TECTA: variants seen among roughly 807,000 people sequenced by gnomAD.
TECTA encodes the protein tectorin alpha, also known as alpha-tectorin.
A neutral mutation model predicts 216.8 loss-of-function variants in TECTA; 128 were observed. The ratio of observed to expected loss-of-function variants is 0.59; its 90% CI spans 0.51 to 0.68. TECTA has a LOEUF of 0.68. Among genes scored for constraint, TECTA ranks in the 30% least tolerant of loss-of-function variants. The pLI is 0.00. For missense variants in TECTA, 2,551 were observed against 2,786.2 expected, an observed-to-expected ratio of 0.92 and a Z score of 1.90; for synonymous variants, 1,089 against 1,117.1, an observed-to-expected ratio of 0.97 and a Z score of 0.50.
At position 121,158,243 on chromosome 11, in the gene TECTA, A is replaced by G; in HGVS notation, c.4689+19A>G. 6.2e-7 allele frequency: 1 copy of G among 1,608,908 alleles called. No homozygotes were observed. Among genetic ancestry groups the G allele is most frequent in the Non-Finnish European group, 8.5e-7 (1 of 1,179,966 alleles). On this transcript the variant is annotated intron_variant, in intron 14 of 23. Coordinates refer to ENST00000392793, the MANE Select transcript of TECTA (RefSeq NM_005422.4). Reference sequence around the variant, plus strand: ...GGTCAAGGTAACCAGCCTGGCGGCCATTCTTAAGAAGGGGCCCGGAAACAA... The same window carrying G: ...GGTCAAGGTAACCAGCCTGGCGGCCGTTCTTAAGAAGGGGCCCGGAAACAA...
At chr11:121,188,658 C>A (rs1325533935) in intron 21 of TECTA, among the ~76,000 whole-genome samples, 2 of 152,214 alleles carry the variant, frequency 1.3e-5, no homozygotes, top group Non-Finnish European at 2.9e-5. Context: ...ATACCTGGCC[C>A]CTAGCCTTTA....
rs1463261590 is a variant in TECTA at position 121,190,824 on chromosome 11, T to C, written c.*18T>C. Reference sequence around the variant, plus strand: ...CCTCATAATTAACTCAAGGTTGCTATATAAAGTACTGTAATTTACTTACTT... The same window carrying C: ...CCTCATAATTAACTCAAGGTTGCTACATAAAGTACTGTAATTTACTTACTT... On this transcript the variant is annotated 3_prime_UTR_variant, in exon 24 of 24. Coordinates refer to ENST00000392793, the MANE Select transcript of TECTA (RefSeq NM_005422.4). The C allele has an allele frequency of 3.8e-6, 6 of 1,570,604 alleles. No homozygotes were observed. The highest frequency in any genetic ancestry group is 2.7e-5 in the African/African-American group (2 of 74,034).
chr11:121,134,196 A>G (rs1591447431), intron 10 of TECTA, among the ~76,000 whole-genome samples: 1 of 151,614 alleles, frequency 6.6e-6, no homozygotes, highest in East Asian at 1.9e-4. Flanking sequence ...AATCAGCTTG[A>G]CTCCAAGAAG....
intron 12 of TECTA, among the ~76,000 whole-genome samples, chr11:121,147,557 A>G (rs1157757871): frequency 6.6e-6 from 1 of 152,172 alleles, no homozygotes; most frequent in Non-Finnish European, 1.5e-5. Flanking sequence ...ATATGCCTAT[A>G]AAAAAGCTCG....
At chr11:121,114,027 T>G (rs1365044427) in intron 6 of TECTA, among the ~76,000 whole-genome samples, 2 of 152,160 alleles carry the variant, frequency 1.3e-5, no homozygotes, top group African/African-American at 4.8e-5. Context: ...AAGGCAGCCC[T>G]CCTGTTTAAC....
At chr11:121,107,633 T>A (rs1301555200) in intron 3 of TECTA, among the ~76,000 whole-genome samples, 1 of 152,170 alleles carries the variant, frequency 6.6e-6, no homozygotes, top group Non-Finnish European at 1.5e-5. Flanking sequence ...GAATTGCAGT[T>A]CCCATTACAG....
intron 17 of TECTA, among the ~76,000 whole-genome samples, chr11:121,166,153 C>T (rs1479350159): frequency 6.6e-6 from 1 of 152,168 alleles, no homozygotes; most frequent in Non-Finnish European, 1.5e-5. Flanking sequence ...CTGGGAATCA[C>T]TAGGGTTCTG....
intron 12 of TECTA, among the ~76,000 whole-genome samples, chr11:121,147,852 A>G (rs1946854011): frequency 1.3e-5 from 2 of 152,166 alleles, no homozygotes; most frequent in South Asian, 4.1e-4. Context: ...TCCAACTGCA[A>G]CAAACAGGGA....
Position 121,163,712 on chromosome 11 carries a change from A to C in TECTA, c.5272+1342A>C, listed in dbSNP as rs532102818. On this transcript the variant is annotated intron_variant, in intron 16 of 23. Coordinates refer to ENST00000392793, the MANE Select transcript of TECTA (RefSeq NM_005422.4). ...TACATATATCATTAAAAAATACTCA[A>C]AGCTTCCCTCTATCTAAGGGCATGT... 3.9e-4 allele frequency among the ~76,000 whole-genome samples: 60 copies of C among 152,318 alleles called. 2 individuals carry two copies. The South Asian group carries it at 0.011, about 27-fold the overall frequency.
chr11:121,160,377 C>T lies in TECTA; in HGVS notation c.4932C>T (p.Ser1644=), dbSNP rs201375747. 40 of 1,613,320 alleles carry T rather than the reference C, an allele frequency of 2.5e-5. No individual in the cohort carries two copies. Among genetic ancestry groups the T allele is most frequent in the African/African-American group, 1.7e-4 (13 of 74,994 alleles). ...TGCGAGGGAAGCCGGTGGTAAGCAG[C>T]GTGGTGCTGGCCCAGAGCTGGAAAA... is the stretch of plus-strand genomic sequence containing the variant. ...VTLRGKPVVS[S]VVLAQSWKTN... is the part of the protein sequence containing the mutation. Residue 1644 remains serine (S), a synonymous_variant, in exon 15 of 24, where the codon AGC becomes AGT. Coordinates refer to ENST00000392793, the MANE Select transcript of TECTA (RefSeq NM_005422.4).
chr11:121,108,885 A>G (rs1241405797), intron 3 of TECTA, among the ~76,000 whole-genome samples: 1 of 149,844 alleles, frequency 6.7e-6, no homozygotes, highest in South Asian at 2.1e-4. Flanking sequence ...TCTCACCTGT[A>G]GTACACACAT....
chr11:121,162,061 C>G lies in TECTA; in HGVS notation c.4977-14C>G, dbSNP rs1264233015. 4 of 1,613,558 alleles carry G rather than the reference C, an allele frequency of 2.5e-6. No individual in the cohort carries two copies. The highest frequency in any genetic ancestry group is 3.4e-6 in the Non-Finnish European group (4 of 1,180,038). ...ATCTCAGATGGCTGTTTTTGCTTCA[C>G]TCAGTCTGACCAGACCTCTTGCCCC... On this transcript the variant is annotated splice_polypyrimidine_tract_variant and intron_variant, in intron 15 of 23. Transcript: ENST00000392793.
intron 7 of TECTA, among the ~76,000 whole-genome samples, chr11:121,122,363 G>A (rs192958742): frequency 6.6e-5 from 10 of 152,200 alleles, no homozygotes; most frequent in South Asian, 2.1e-4. Flanking sequence ...GTGGGCTCTC[G>A]CCAGACAATG....
intron 4 of TECTA, among the ~76,000 whole-genome samples, chr11:121,111,557 G>A (rs975993783): frequency 1.3e-5 from 2 of 152,210 alleles, no homozygotes; most frequent in African/African-American, 2.4e-5. Context: ...TGGCTGGTTG[G>A]TTTAGAGGTG....
chr11:121,156,763 G>T (rs1273646670), intron 13 of TECTA, among the ~76,000 whole-genome samples: 1 of 152,058 alleles, frequency 6.6e-6, no homozygotes, highest in Non-Finnish European at 1.5e-5. Context: ...CCAAAGTGCT[G>T]GGATTACAGG....
intron 20 of TECTA, among the ~76,000 whole-genome samples, chr11:121,178,075 G>A (rs996090964): frequency 3.9e-5 from 6 of 152,356 alleles, no homozygotes; most frequent in South Asian, 2.1e-4. Context: ...TCCAGGTGCC[G>A]TCTGTCACCC....
At chr11:121,134,369 C>T (rs1043189231) in intron 10 of TECTA, among the ~76,000 whole-genome samples, 2 of 62,356 alleles carry the variant, frequency 3.2e-5, no homozygotes, top group Non-Finnish European at 6.6e-5. Flanking sequence ...CTTTTTAACT[C>T]TATGATTCCT....
intron 11 of TECTA, among the ~76,000 whole-genome samples, chr11:121,139,669 G>A (rs1394015906): frequency 2.0e-5 from 3 of 147,590 alleles, no homozygotes; most frequent in Non-Finnish European, 4.4e-5. Context: ...CAGCCTGGAC[G>A]ACAGAGCAAG....
At chr11:121,188,714 G>A (rs1230349620) in intron 21 of TECTA, among the ~76,000 whole-genome samples, 2 of 152,238 alleles carry the variant, frequency 1.3e-5, no homozygotes, top group African/African-American at 4.8e-5. Flanking sequence ...ATCAAGATGT[G>A]AATTATGGTC....
Sources: allele counts gnomAD v4.1 joint callset (sites outside exome capture counted in the v4.1 genomes callset), GRCh38; gene constraint gnomAD v4.1.1; transcripts MANE v1.5; gene names NCBI Gene and HGNC (gene_info 2026-07-23, HGNC 2026-07-21).